The following MTR variants were observed in gnomAD, a reference collection of about 807,000 sequenced individuals.
The protein encoded by MTR is 5-methyltetrahydrofolate-homocysteine methyltransferase, also known as methionine synthase.
A neutral mutation model predicts 154.8 loss-of-function variants in MTR; 84 were observed. That is an observed-to-expected ratio of 0.54 (90% CI 0.45 to 0.65). The LOEUF is 0.65. Ranked by LOEUF, MTR falls within the 30% of genes least tolerant of loss-of-function variation. The pLI, the probability that MTR is intolerant of heterozygous loss-of-function variation, is 0.00. For synonymous variants in MTR, 554 were observed against 553.9 expected (o/e 1.00, Z 0.00); for missense variants, 1,275 against 1,570.2 (o/e 0.81, Z 3.18).
At chr1:236,867,865 A>C (rs986718915) in intron 22 of MTR, among the ~76,000 whole-genome samples, 5 of 152,230 alleles carry the variant, frequency 3.3e-5, no homozygotes, top group Non-Finnish European at 5.9e-5. Context: ...ATACAACTTC[A>C]ACAGATGAGG....
At chr1:236,897,276 C>G (rs1159622660) in intron 32 of MTR, among the ~76,000 whole-genome samples, 158 bp downstream of exon 32, 1 of 107,524 alleles carries the variant, frequency 9.3e-6, no homozygotes, top group East Asian at 2.3e-4. Flanking sequence ...TACCTCTATT[C>G]TAGCCCTCAC....
chr1:236,894,576 GC>G lies in MTR; in HGVS notation c.3405+21del, dbSNP rs761228648. ...GGCAGAGGTAAGGCAGAGGCATTGC[GC>G]CGAGGGGCTGAGGACAGAGGCCAGG... On this transcript the variant is annotated intron_variant, in intron 30 of 32. Transcript: ENST00000366577. 6.9e-5 allele frequency: 111 copies of G among 1,613,434 alleles called. No homozygotes were observed. Among genetic ancestry groups the G allele is most frequent in the Non-Finnish European group, 9.0e-5 (106 of 1,179,988 alleles).
chr1:236,884,182 C>G (rs998292734), intron 25 of MTR, among the ~76,000 whole-genome samples: 1 of 152,192 alleles, frequency 6.6e-6, no homozygotes, highest in East Asian at 1.9e-4. Context: ...TAGCCTCATT[C>G]CCTCAGCAAA....
At chr1:236,896,952 G>T (rs570510442) in intron 31 of MTR, 54 bp from the exon 32 acceptor site, 2 of 1,308,930 alleles carry the variant, frequency 1.5e-6, no homozygotes, top group Non-Finnish European at 2.2e-6. Context: ...CTAGCTGCAG[G>T]CCCTGTGCTA....
intron 13 of MTR, among the ~76,000 whole-genome samples, chr1:236,834,988 T>A (rs1463968613): frequency 1.3e-5 from 2 of 152,204 alleles, no homozygotes; most frequent in Non-Finnish European, 2.9e-5. Context: ...TAACTTCTAT[T>A]AACAGCCTGC....
At chr1:236,897,440 G>T in intron 32 of MTR, 118 bp from the exon 33 acceptor site, 1 of 1,003,310 alleles carries the variant, frequency 1.0e-6, no homozygotes, top group Non-Finnish European at 1.6e-6. Flanking sequence ...TAACTCTGTA[G>T]ATTGCTATTA....
At chr1:236,850,733 G>A (rs535940750) in intron 16 of MTR, among the ~76,000 whole-genome samples, 44 of 152,222 alleles carry the variant, frequency 2.9e-4, no homozygotes, top group African/African-American at 1.0e-3. Flanking sequence ...ACATAACAGA[G>A]CCTGATGAAC....
At chr1:236,840,029 G>T (rs1024925808) in intron 15 of MTR, among the ~76,000 whole-genome samples, 4 of 152,138 alleles carry the variant, frequency 2.6e-5, no homozygotes, top group Non-Finnish European at 4.4e-5. Context: ...ATCTGAGATG[G>T]GGGTGGTCTC....
intron 22 of MTR, among the ~76,000 whole-genome samples, chr1:236,867,055 AGGTG>A (rs1445933551): frequency 6.6e-6 from 1 of 152,232 alleles, no homozygotes; most frequent in Non-Finnish European, 1.5e-5. Context: ...TCACTGAGGA[AGGTG>A]GCTATGCTAA....
intron 16 of MTR, among the ~76,000 whole-genome samples, chr1:236,851,857 A>G (rs1224444222): frequency 2.0e-5 from 3 of 152,226 alleles, no homozygotes; most frequent in African/African-American, 7.2e-5. Flanking sequence ...TGGTATAACT[A>G]TACCACAATT....
At chr1:236,891,366 C>A (rs375564437) in intron 29 of MTR, 37 bp downstream of exon 29, 2 of 1,590,610 alleles carry the variant, frequency 1.3e-6, no homozygotes, top group Non-Finnish European at 1.7e-6. Flanking sequence ...ACACCGCTTT[C>A]GCTTGTGAGT....
chr1:236,889,158 A>T lies in MTR; in HGVS notation c.2852-23A>T, dbSNP rs185697957. On this transcript the variant is annotated intron_variant, in intron 27 of 32. Coordinates refer to ENST00000366577, the MANE Select transcript of MTR (RefSeq NM_000254.3). Reference sequence around the variant, plus strand: ...AGGCAGGGTGCCAGCGTCAGCATTGACAACCATACTTCTCTCCTGTAGTGA... The same window carrying T: ...AGGCAGGGTGCCAGCGTCAGCATTGTCAACCATACTTCTCTCCTGTAGTGA... The T allele has an allele frequency of 3.3e-5, 54 of 1,614,030 alleles. No individual in the cohort carries two copies. The East Asian group carries it at 1.1e-3, about 33-fold the overall frequency.
chr1:236,807,254 A>G (rs912791374), intron 3 of MTR, among the ~76,000 whole-genome samples: 5 of 151,750 alleles, frequency 3.3e-5, no homozygotes, highest in East Asian at 1.9e-4. Flanking sequence ...GCTCACTGCA[A>G]CCTCCGCCTC....
intron 11 of MTR, 111 bp downstream of exon 11, chr1:236,827,007 T>C: frequency 1.0e-6 from 1 of 985,264 alleles, no homozygotes; most frequent in Non-Finnish European, 1.6e-6. Context: ...AATTTGTATG[T>C]TGAAGTTCTA....
At chr1:236,803,278 C>G in intron 1 of MTR, 150 bp from the exon 2 acceptor site, 1 of 774,494 alleles carries the variant, frequency 1.3e-6, no homozygotes, top group Non-Finnish European at 2.1e-6. Context: ...CCTTTTTGGG[C>G]AGCGTTTTCC....
rs190222365 is a variant in MTR at position 236,851,406 on chromosome 1, T to C, written c.1695+883T>C. 5.9e-5 allele frequency among the ~76,000 whole-genome samples: 9 copies of C among 152,376 alleles called. No individual in the cohort carries two copies. The East Asian group carries it at 1.3e-3, about 23-fold the overall frequency. On this transcript the variant is annotated intron_variant, in intron 16 of 32. Transcript: ENST00000366577. Reference sequence around the variant, plus strand: ...TTCTAAGCACAAGAAGGCTGTGATGTTCCTTAGGGAGGAAATATGTGTGTT... The same window carrying C: ...TTCTAAGCACAAGAAGGCTGTGATGCTCCTTAGGGAGGAAATATGTGTGTT...
intron 19 of MTR, among the ~76,000 whole-genome samples, 166 bp downstream of exon 19, chr1:236,860,088 CCCA>C (rs1664444397): frequency 1.5e-5 from 1 of 64,536 alleles, no homozygotes; most frequent in South Asian, 7.4e-4. Context: ...CCCCCCCCCC[CCCA>C]CCATAGCACA....
chr1:236,806,879 T>A (rs776245858), intron 3 of MTR, among the ~76,000 whole-genome samples: 3 of 152,230 alleles, frequency 2.0e-5, no homozygotes, highest in South Asian at 4.1e-4. Context: ...CTTAATGTAA[T>A]GTCCTCAAGG....
chr1:236,846,873 T>TTTTTTG (rs528009538), intron 15 of MTR, among the ~76,000 whole-genome samples: 30 of 152,246 alleles, frequency 2.0e-4, no homozygotes, highest in Non-Finnish European at 3.1e-4. Flanking sequence ...CACTTCTGTT[T>TTTTTTG]TTTTTGTTTT....
Sources: gnomAD v4.1 joint callset for allele counts (sites outside exome capture counted in the v4.1 genomes callset) on GRCh38, gnomAD v4.1.1 for gene constraint, MANE v1.5 for transcripts, NCBI Gene and HGNC (gene_info 2026-07-23, HGNC 2026-07-21) for gene names.